The following MYO3B variants were observed in gnomAD, a reference collection of about 807,000 sequenced individuals.
MYO3B encodes the protein myosin IIIB.
A neutral mutation model predicts 174.6 loss-of-function variants in MYO3B; 156 were observed. That is an observed-to-expected ratio of 0.89 (90% CI 0.78 to 1.02). MYO3B has a LOEUF of 1.02. MYO3B is among the 50% of genes least tolerant of loss of function. MYO3B has a pLI of 0.00. For missense variants in MYO3B, 1,632 were observed against 1,639.4 expected, an observed-to-expected ratio of 1.00 and a Z score of 0.08; for synonymous variants, 563 against 569.1, an observed-to-expected ratio of 0.99 and a Z score of 0.15.
At chr2:170,190,475 T>C (rs79266538) in intron 1 of MYO3B, among the ~76,000 whole-genome samples, 3,588 of 152,234 alleles carry the variant, frequency 0.024, 73 homozygotes, top group Middle Eastern at 0.071. Context: ...GGCTCAGTGA[T>C]GATGTCTGGA....
intron 32 of MYO3B, among the ~76,000 whole-genome samples, chr2:170,551,500 A>G (rs1330468120): frequency 6.9e-6 from 1 of 145,166 alleles, no homozygotes; most frequent in African/African-American, 2.5e-5. Flanking sequence ...TTTCTAATAC[A>G]TATGTCATTG....
At chr2:170,423,211 G>C (rs967702669) in intron 22 of MYO3B, among the ~76,000 whole-genome samples, 1 of 151,770 alleles carries the variant, frequency 6.6e-6, no homozygotes, top group Non-Finnish European at 1.5e-5. Context: ...TTGAACTCCA[G>C]ACCTCAGGTG....
intron 7 of MYO3B, among the ~76,000 whole-genome samples, chr2:170,320,779 T>C (rs80213960): frequency 0.026 from 3,891 of 152,026 alleles, 48 homozygotes; most frequent in East Asian, 0.037. Flanking sequence ...CTGACCACAA[T>C]GCATTACAAC....
chr2:170,572,607 C>CAA (rs574487856), intron 32 of MYO3B, among the ~76,000 whole-genome samples: 4,671 of 123,912 alleles, frequency 0.038, 205 homozygotes, highest in East Asian at 0.19. Flanking sequence ...GACCCTATAT[C>CAA]AAAAAAAAAA....
chr2:170,560,246 C>T (rs1691617018), intron 32 of MYO3B, among the ~76,000 whole-genome samples: 1 of 152,156 alleles, frequency 6.6e-6, no homozygotes, highest in African/African-American at 2.4e-5. Context: ...AGTATATCAC[C>T]TTGAATCTTT....
In MYO3B at chr2:170,391,595, A is replaced by G. The variant is rs1471110623; in HGVS notation, c.1653A>G (p.Arg551=). The G allele has an allele frequency of 6.3e-7, 1 of 1,586,402 alleles. No homozygotes were observed. The highest frequency in any genetic ancestry group is 8.6e-7 in the Non-Finnish European group (1 of 1,168,868). ...ACCAAAAGAAGCTTTCTGATTTCAGACTTCCTGAGGAAAAACCTCCTAGGT... is the reference window on the plus strand; with the variant it reads ...ACCAAAAGAAGCTTTCTGATTTCAGGCTTCCTGAGGAAAAACCTCCTAGGT... The part of the protein sequence containing the change: ...LHHQKKLSDF[R]LPEEKPPRYI... The change falls in exon 15 of 35, where the codon AGA becomes AGG. Residue 551 remains arginine (R), a synonymous_variant. Coordinates refer to ENST00000408978, the MANE Select transcript of MYO3B (RefSeq NM_138995.5).
intron 7 of MYO3B, among the ~76,000 whole-genome samples, chr2:170,237,601 T>C (rs1454272073): frequency 1.3e-5 from 2 of 152,186 alleles, no homozygotes; most frequent in Non-Finnish European, 2.9e-5. Flanking sequence ...AGCTTGCTTC[T>C]GTGCCCAGCC....
At chr2:170,629,973 C>T (rs1696807352) in intron 32 of MYO3B, among the ~76,000 whole-genome samples, 1 of 152,228 alleles carries the variant, frequency 6.6e-6, no homozygotes, top group Admixed American at 6.5e-5. Flanking sequence ...CTCCATTCTA[C>T]ACCTCCCAGC....
intron 32 of MYO3B, among the ~76,000 whole-genome samples, chr2:170,555,960 C>G (rs1437589098): frequency 6.6e-6 from 1 of 152,042 alleles, no homozygotes; most frequent in Non-Finnish European, 1.5e-5. Flanking sequence ...CTTTGGGAGG[C>G]CAAGACAGGT....
intron 22 of MYO3B, among the ~76,000 whole-genome samples, chr2:170,421,088 G>A (rs2094611483): frequency 6.6e-6 from 1 of 152,142 alleles, no homozygotes; most frequent in Non-Finnish European, 1.5e-5. Flanking sequence ...TGCTCAGAGA[G>A]TCTTTCTGTC....
intron 22 of MYO3B, among the ~76,000 whole-genome samples, chr2:170,426,029 A>C (rs1054266688): frequency 6.6e-6 from 1 of 152,158 alleles, no homozygotes; most frequent in Admixed American, 6.5e-5. Flanking sequence ...CAGAGTGATA[A>C]ATATGAGACA....
At chr2:170,312,744 G>T (rs1487797056) in intron 7 of MYO3B, among the ~76,000 whole-genome samples, 1 of 152,216 alleles carries the variant, frequency 6.6e-6, no homozygotes, top group African/African-American at 2.4e-5. Flanking sequence ...TTCACTGAGG[G>T]TTAGAGGCCA....
At chr2:170,598,215 T>C (rs1288913445) in intron 32 of MYO3B, among the ~76,000 whole-genome samples, 2 of 152,196 alleles carry the variant, frequency 1.3e-5, no homozygotes, top group Non-Finnish European at 2.9e-5. Flanking sequence ...AACGCAGTGC[T>C]CCTGGACCAG....
intron 32 of MYO3B, among the ~76,000 whole-genome samples, chr2:170,634,290 A>C (rs184853323): frequency 1.2e-3 from 180 of 152,318 alleles, no homozygotes; most frequent in African/African-American, 4.1e-3. Flanking sequence ...ATGGAACAGA[A>C]CAGAGGCCTC....
chr2:170,379,668 C>T (rs2094321576), intron 9 of MYO3B, among the ~76,000 whole-genome samples: 3 of 152,172 alleles, frequency 2.0e-5, no homozygotes, highest in Admixed American at 2.0e-4. Context: ...TTTGATTTTT[C>T]TTTGCCATCA....
intron 32 of MYO3B, among the ~76,000 whole-genome samples, chr2:170,635,172 T>C (rs1278618851): frequency 2.6e-5 from 4 of 152,232 alleles, no homozygotes; most frequent in Non-Finnish European, 4.4e-5. Context: ...TGTATGTTTA[T>C]TGTGGCATTA....
intron 1 of MYO3B, among the ~76,000 whole-genome samples, chr2:170,181,896 T>C (rs1467630143): frequency 6.6e-6 from 1 of 152,160 alleles, no homozygotes. Flanking sequence ...TTAACACTAT[T>C]ATCAAACTTC....
chr2:170,374,688 G>A (rs1227244894), intron 9 of MYO3B, among the ~76,000 whole-genome samples: 1 of 151,726 alleles, frequency 6.6e-6, no homozygotes, highest in Non-Finnish European at 1.5e-5. Context: ...AGGCTTTTCT[G>A]AGTGCTTTTT....
intron 3 of MYO3B, among the ~76,000 whole-genome samples, chr2:170,205,450 C>G (rs2092704507): frequency 6.6e-6 from 1 of 152,124 alleles, no homozygotes; most frequent in Admixed American, 6.5e-5. Context: ...TGCAAGAAAG[C>G]CTGTGCCTCC....
Sources: gnomAD v4.1 joint callset for allele counts (sites outside exome capture counted in the v4.1 genomes callset) on GRCh38, gnomAD v4.1.1 for gene constraint, MANE v1.5 for transcripts, NCBI Gene and HGNC (gene_info 2026-07-23, HGNC 2026-07-21) for gene names.